The following DLST variants were observed in gnomAD, a reference collection of about 807,000 sequenced individuals.
DLST encodes the protein dihydrolipoamide S-succinyltransferase.
Under a neutral mutation model 53.1 loss-of-function variants are expected in DLST, and 17 were observed. That is an observed-to-expected ratio of 0.32 (90% CI 0.22 to 0.48). The LOEUF is 0.48. DLST is among the 20% of genes least tolerant of loss of function. The pLI is 0.99. For synonymous variants in DLST, 206 were observed against 204.8 expected (o/e 1.01, Z -0.05); for missense variants, 512 against 583.9 (o/e 0.88, Z 1.27).
intron 3 of DLST, among the ~76,000 whole-genome samples, chr14:74,887,351 C>T (rs1393716608): frequency 2.6e-5 from 4 of 152,232 alleles, no homozygotes; most frequent in Middle Eastern, 3.4e-3. Context: ...TATTACTCAT[C>T]TGCAATCAAA....
chr14:74,891,780 C>T (rs1883916527), intron 7 of DLST: 6 of 985,084 alleles, frequency 6.1e-6, no homozygotes, highest in Non-Finnish European at 7.2e-6. Context: ...CGTAGACCAA[C>T]GAGTCACAGA....
In DLST at chr14:74,889,958, CT is replaced by C. The variant is rs757183665; in HGVS notation, c.330+8del. 1 of 1,612,974 alleles carries C rather than the reference CT, an allele frequency of 6.2e-7. No individual in the cohort carries two copies. Among genetic ancestry groups the C allele is most frequent in the Admixed American group, 1.7e-5 (1 of 59,916 alleles). The stretch of plus-strand genomic sequence containing the variant: ...GTGAGATTGAAACTGACAAGGTAGG[CT>C]TATCTTATATTCGTACCAGCTTTTC... On this transcript the variant is annotated splice_region_variant and intron_variant, in intron 6 of 14. Transcript: ENST00000334220.
At chr14:74,882,356 T>C (rs1883552843) in intron 1 of DLST, among the ~76,000 whole-genome samples, 1 of 152,248 alleles carries the variant, frequency 6.6e-6, no homozygotes, top group South Asian at 2.1e-4. Context: ...GGCGCCCGTC[T>C]CGTCTTGCTC....
chr14:74,884,278 T>C (rs12882632), intron 2 of DLST, among the ~76,000 whole-genome samples: 9,460 of 152,278 alleles, frequency 0.062, 409 homozygotes, highest in Non-Finnish European at 0.095. Context: ...CTGAGAGTTA[T>C]GAGAACATAA....
chr14:74,896,047 A>G (rs1009609156), intron 10 of DLST, among the ~76,000 whole-genome samples: 6 of 152,120 alleles, frequency 3.9e-5, no homozygotes, highest in African/African-American at 1.4e-4. Flanking sequence ...TGTAGAGACA[A>G]GGTCTCGCTG....
chr14:74,898,645 G>C (rs1393114392), intron 11 of DLST, 146 bp downstream of exon 11: 8 of 1,061,322 alleles, frequency 7.5e-6, no homozygotes, highest in Non-Finnish European at 1.0e-5. Flanking sequence ...GGATTTCTTG[G>C]TTCACCTTCC....
chr14:74,892,733 A>AT, intron 7 of DLST, 101 bp from the exon 8 acceptor site: 2 of 1,200,510 alleles, frequency 1.7e-6, no homozygotes, highest in Admixed American at 4.6e-5. Flanking sequence ...CCCAGTAGAC[A>AT]TTCGTTACTT....
At chr14:74,897,697 T>TAGTA (rs1884114141) in intron 10 of DLST, among the ~76,000 whole-genome samples, 1 of 152,164 alleles carries the variant, frequency 6.6e-6, no homozygotes, top group Admixed American at 6.5e-5. Flanking sequence ...CCCTCACATG[T>TAGTA]AGTAAGGTGT....
At chr14:74,899,838 T>C in intron 11 of DLST, 85 bp from the exon 12 acceptor site, 1 of 1,103,528 alleles carries the variant, frequency 9.1e-7, no homozygotes, top group Non-Finnish European at 1.3e-6. Flanking sequence ...GCTCTGCAGA[T>C]TTTTACTCTG....
chr14:74,902,514 T>A lies in DLST; in HGVS notation c.*184T>A. ...TTTTCTTGGCGTTCCTGCCAGGCTCTCCCTCTCTGCACCTGTCTCATAGCC... is the reference window on the plus strand; with the variant it reads ...TTTTCTTGGCGTTCCTGCCAGGCTCACCCTCTCTGCACCTGTCTCATAGCC... On this transcript the variant is annotated 3_prime_UTR_variant, in exon 15 of 15. Transcript: ENST00000334220. 1 of 578,116 alleles carries A rather than the reference T, an allele frequency of 1.7e-6. No individual in the cohort carries two copies. The highest frequency in any genetic ancestry group is 2.8e-6 in the Non-Finnish European group (1 of 355,064). 35.8% of individuals were successfully genotyped at this position (578,116 alleles called of 1,614,324 possible).
Position 74,902,294 on chromosome 14 carries a change from G to A in DLST, c.1326G>A (p.Ala442=), listed in dbSNP as rs557835524. The change falls in exon 15 of 15, where the codon GCG becomes GCA. Residue 442 remains alanine, a synonymous_variant. Coordinates refer to ENST00000334220, the MANE Select transcript of DLST (RefSeq NM_001933.5). ...CTTTCCTCCGCAAAATCAAGGCAGCGGTAGAGGATCCCAGAGTCCTCCTCC... is the reference window on the plus strand; with the variant it reads ...CTTTCCTCCGCAAAATCAAGGCAGCAGTAGAGGATCCCAGAGTCCTCCTCC... The part of the protein sequence containing the change: ...AVTFLRKIKA[A]VEDPRVLLLD... 1.6e-5 allele frequency: 26 copies of A among 1,612,836 alleles called. No homozygotes were observed. Among genetic ancestry groups the A allele is most frequent in the African/African-American group, 2.7e-5 (2 of 74,872 alleles).
intron 2 of DLST, 137 bp from the exon 3 acceptor site, chr14:74,885,449 T>C (rs954163125): frequency 6.6e-6 from 6 of 907,382 alleles, no homozygotes; most frequent in Admixed American, 5.7e-5. Flanking sequence ...GAAGCAGGAC[T>C]CTATGATAAA....
chr14:74,899,152 G>A (rs1485615693), intron 11 of DLST, among the ~76,000 whole-genome samples: 1 of 152,040 alleles, frequency 6.6e-6, no homozygotes, highest in African/African-American at 2.4e-5. Flanking sequence ...GCTCTAGGGA[G>A]GTAGAAGGCC....
intron 2 of DLST, among the ~76,000 whole-genome samples, chr14:74,885,176 G>A (rs972958733): frequency 6.6e-6 from 1 of 152,144 alleles, no homozygotes; most frequent in African/African-American, 2.4e-5. Context: ...CTCAAATTGG[G>A]TTATGTATAG....
intron 7 of DLST, 122 bp downstream of exon 7, chr14:74,891,289 G>A: frequency 2.7e-6 from 4 of 1,487,784 alleles, no homozygotes; most frequent in Non-Finnish European, 3.6e-6. Flanking sequence ...CCTTAGTTGA[G>A]GGAATAAGGG....
In DLST at chr14:74,882,014, A is replaced by G; in HGVS notation, c.61A>G (p.Lys21Glu). The change falls in exon 1 of 15, where the codon AAG (lysine) becomes GAG (glutamate). Residue 21 changes from lysine (K) to glutamate (E), a missense_variant and splice_region_variant. By Grantham distance (56) the Lys-to-Glu change is moderately conservative. Coordinates refer to ENST00000334220, the MANE Select transcript of DLST (RefSeq NM_001933.5). Reference protein sequence around the residue: ...AFSRSLSAFQKGNCPLGRRSL... With the variant: ...AFSRSLSAFQEGNCPLGRRSL... Reference sequence around the variant, plus strand: ...CAGCCGCTCGCTCTCCGCCTTCCAGAAGGTACGGTCTGGCCGAGCCGGGGC... The same window carrying G: ...CAGCCGCTCGCTCTCCGCCTTCCAGGAGGTACGGTCTGGCCGAGCCGGGGC... The G allele has an allele frequency of 1.9e-6, 3 of 1,569,774 alleles. No individual in the cohort carries two copies. Among genetic ancestry groups the G allele is most frequent in the Non-Finnish European group, 2.6e-6 (3 of 1,166,158 alleles).
At chr14:74,895,750 AT>A (rs1346155135) in intron 10 of DLST, among the ~76,000 whole-genome samples, 3 of 152,102 alleles carry the variant, frequency 2.0e-5, no homozygotes, top group Non-Finnish European at 4.4e-5. Context: ...AAATACAAAA[AT>A]TACCCAGGCA....
At chr14:74,902,074 A>T in intron 14 of DLST, 122 bp from the exon 15 acceptor site, 1 of 1,058,616 alleles carries the variant, frequency 9.4e-7, no homozygotes, top group Non-Finnish European at 1.3e-6. Flanking sequence ...AAATATGCAG[A>T]GGCAACATCA....
chr14:74,887,292 A>G (rs969111896), intron 3 of DLST, among the ~76,000 whole-genome samples: 2 of 152,128 alleles, frequency 1.3e-5, no homozygotes, highest in African/African-American at 2.4e-5. Context: ...TCTTTTTGCT[A>G]TTTCTAATAT....
Sources: allele counts gnomAD v4.1 joint callset (sites outside exome capture counted in the v4.1 genomes callset), GRCh38; gene constraint gnomAD v4.1.1; transcripts MANE v1.5; gene names NCBI Gene and HGNC (gene_info 2026-07-23, HGNC 2026-07-21).